Variants in AXIN1 observed in about 807,000 individuals in gnomAD.
AXIN1 encodes the protein axin 1, also known as axin-1.
Under a neutral mutation model 76.4 loss-of-function variants are expected in AXIN1, and 30 were observed. That is an observed-to-expected ratio of 0.39 (90% confidence interval 0.29 to 0.53). The LOEUF (loss-of-function observed/expected upper bound fraction) is 0.53, where lower values mean the gene tolerates loss of function less well. Among genes scored for constraint, AXIN1 ranks in the 20% least tolerant of loss-of-function variants. The pLI, the probability that AXIN1 is intolerant of heterozygous loss-of-function variation, is 0.66. For missense variants in AXIN1, 1,140 were observed against 1,198.8 expected, an observed-to-expected ratio of 0.95 and a Z score of 0.72; for synonymous variants, 545 against 501.4, an observed-to-expected ratio of 1.09 and a Z score of -1.16.
chr16:302,927 C>G lies in AXIN1; in HGVS notation c.1254+1377G>C, dbSNP rs566581483. On this transcript the variant is annotated intron_variant, in intron 5 of 10. Coordinates refer to ENST00000262320, the MANE Select transcript of AXIN1 (RefSeq NM_003502.4). ...CCCAGGCTGGAGTGCAGTGGCACAG[C>G]CTCGGCTCACTGTAGACCTGACCTC... Among the ~76,000 whole-genome samples, 239 of 152,074 alleles carry G rather than the reference C, an allele frequency of 1.6e-3. 1 individual carries two copies. Among genetic ancestry groups the G allele is most frequent in the African/African-American group, 5.4e-3 (223 of 41,472 alleles).
At chr16:319,849 G>A (rs984944031) in intron 2 of AXIN1, among the ~76,000 whole-genome samples, 1 of 152,192 alleles carries the variant, frequency 6.6e-6, no homozygotes, top group Non-Finnish European at 1.5e-5. Context: ...GTCTGGTCCG[G>A]TTACATTTAG....
rs142775237 is a variant in AXIN1 at position 311,861 on chromosome 16, G to T, written c.1020-1792C>A. Among the ~76,000 whole-genome samples the T allele has an allele frequency of 3.6e-3, 545 of 152,310 alleles. 20 individuals are homozygous for T. In the South Asian group the frequency reaches 0.076, roughly 21 times the overall value. ...CCGCACCCAGGGGCCTCTCAGAGCTGCCAGGAGACACAGGACGACTGAAGA... is the reference window on the plus strand; with the variant it reads ...CCGCACCCAGGGGCCTCTCAGAGCTTCCAGGAGACACAGGACGACTGAAGA... On this transcript the variant is annotated intron_variant, in intron 3 of 10. Coordinates refer to ENST00000262320, the MANE Select transcript of AXIN1 (RefSeq NM_003502.4).
rs1200388281 is a variant in AXIN1 at position 298,192 on chromosome 16, C to T, written c.1314G>A (p.Leu438=). 2 of 1,541,750 alleles carry T rather than the reference C, an allele frequency of 1.3e-6. No individual in the cohort carries two copies. The highest frequency in any genetic ancestry group is 1.7e-6 in the Non-Finnish European group (2 of 1,147,272). Residue 438 remains leucine, a synonymous_variant, in exon 6 of 11, where the codon CTG becomes CTA. Transcript: ENST00000262320. Reference sequence around the variant, plus strand: ...AGTGGTGCCAAGCGGGGGCGGGAGGCAGCTTGTGACACGGCCCTGGGGGCC... The same window carrying T: ...AGTGGTGCCAAGCGGGGGCGGGAGGTAGCTTGTGACACGGCCCTGGGGGCC... The part of the protein sequence containing the change: ...SSGPPGPCHK[L]PPAPAWHHFP...
intron 1 of AXIN1, among the ~76,000 whole-genome samples, chr16:350,560 T>C (rs1302477070): frequency 3.9e-5 from 6 of 152,322 alleles, no homozygotes; most frequent in South Asian, 2.1e-4. Context: ...AACGTAACTT[T>C]TGACATTTTG....
rs1243845581 is a variant in AXIN1, at chr16:303,791, C to A, written c.1254+513G>T. ...TGAAAGGGACCTGTTTTTAGCTGAA[C>A]TAAGCAAAGAGTCCTACAACACAAG... On this transcript the variant is annotated intron_variant, in intron 5 of 10. Coordinates refer to ENST00000262320, the MANE Select transcript of AXIN1 (RefSeq NM_003502.4). Among the ~76,000 whole-genome samples, 3 of 152,220 alleles carry A rather than the reference C, an allele frequency of 2.0e-5. No homozygotes were observed. In the East Asian group the frequency reaches 5.8e-4, roughly 29 times the overall value.
At chr16:291,690 G>A (rs12926629) in intron 8 of AXIN1, 45,740 of 335,822 alleles carry the variant, frequency 0.14, 3,683 homozygotes, top group South Asian at 0.19. Flanking sequence ...GCTCTGGGGC[G>A]TGCGTGGCAA....
chr16:334,662 T>A (rs994407288), intron 2 of AXIN1, among the ~76,000 whole-genome samples: 4 of 147,486 alleles, frequency 2.7e-5, no homozygotes, highest in Non-Finnish European at 4.5e-5. Context: ...CCCAGTACCA[T>A]GGCATGCTAA....
chr16:299,174 A>T (rs1306240244), intron 5 of AXIN1: 3 of 985,292 alleles, frequency 3.0e-6, no homozygotes, highest in Non-Finnish European at 2.4e-6. Context: ...GTTTCACTTG[A>T]TTCTCCAAGT....
At chr16:326,880 C>T (rs970320292) in intron 2 of AXIN1, among the ~76,000 whole-genome samples, 1 of 152,198 alleles carries the variant, frequency 6.6e-6, no homozygotes, top group South Asian at 2.1e-4. Context: ...GTGGCTCACA[C>T]CTGTAATCCC....
At chr16:336,734 T>C (rs1170991416) in intron 2 of AXIN1, among the ~76,000 whole-genome samples, 3 of 151,338 alleles carry the variant, frequency 2.0e-5, no homozygotes, top group African/African-American at 7.3e-5. Context: ...GGAGAATCAT[T>C]TGAACCCAGG....
At chr16:291,343 G>T in intron 8 of AXIN1, 46 bp from the exon 9 acceptor site, 1 of 1,490,118 alleles carries the variant, frequency 6.7e-7, no homozygotes. Context: ...GCGGCCACCA[G>T]CCCTGGGGAG....
At chr16:332,238 C>G (rs1016475775) in intron 2 of AXIN1, among the ~76,000 whole-genome samples, 5 of 152,218 alleles carry the variant, frequency 3.3e-5, no homozygotes, top group Non-Finnish European at 5.9e-5. Flanking sequence ...GCAGCAACAT[C>G]ACAATCACAA....
intron 3 of AXIN1, among the ~76,000 whole-genome samples, chr16:314,275 C>G (rs1014096841): frequency 6.6e-5 from 10 of 152,234 alleles, no homozygotes; most frequent in African/African-American, 2.2e-4. Flanking sequence ...TACAGCCTGC[C>G]TGCATGTCCA....
At chr16:324,617 C>T (rs3848365) in intron 2 of AXIN1, among the ~76,000 whole-genome samples, 65,320 of 152,156 alleles carry the variant, frequency 0.43, 15,034 homozygotes, top group African/African-American at 0.59. Flanking sequence ...GACCACACGC[C>T]GCACGTCAGC....
chr16:317,919 G>C (rs1424964728), intron 2 of AXIN1, among the ~76,000 whole-genome samples: 1 of 152,210 alleles, frequency 6.6e-6, no homozygotes, highest in African/African-American at 2.4e-5. Context: ...CATCTATTTG[G>C]CCAAATAAAA....
chr16:302,563 T>C (rs577535308), intron 5 of AXIN1, among the ~76,000 whole-genome samples: 1 of 152,134 alleles, frequency 6.6e-6, no homozygotes, highest in African/African-American at 2.4e-5. Context: ...CTCAATGGAG[T>C]GCCCGGCGCA....
In AXIN1 at chr16:310,089, A is replaced by T. The variant is rs2141574509; in HGVS notation, c.1020-20T>A. ...CCATCCCTGTCCAGGAGAAAGAGGC[A>T]GCCGTTAACTCAGAGAGGAGCAGGA... On this transcript the variant is annotated intron_variant, in intron 3 of 10. Coordinates refer to ENST00000262320, the MANE Select transcript of AXIN1 (RefSeq NM_003502.4). 3 of 1,595,650 alleles carry T rather than the reference A, an allele frequency of 1.9e-6. No individual in the cohort carries two copies. Among genetic ancestry groups the T allele is most frequent in the Non-Finnish European group, 2.6e-6 (3 of 1,171,282 alleles).
intron 2 of AXIN1, among the ~76,000 whole-genome samples, chr16:317,090 T>C (rs1038551744): frequency 6.6e-6 from 1 of 152,132 alleles, no homozygotes; most frequent in Non-Finnish European, 1.5e-5. Flanking sequence ...CCAGCGCAGC[T>C]TCCAGCCATC....
chr16:312,401 C>T (rs2053203411), intron 3 of AXIN1, among the ~76,000 whole-genome samples: 1 of 152,218 alleles, frequency 6.6e-6, no homozygotes, highest in African/African-American at 2.4e-5. Context: ...TAGGTCCTCC[C>T]TTTAGGAAAC....
Sources: gnomAD v4.1 joint callset for allele counts (sites outside exome capture counted in the v4.1 genomes callset) on GRCh38, gnomAD v4.1.1 for gene constraint, MANE v1.5 for transcripts, NCBI Gene and HGNC (gene_info 2026-07-23, HGNC 2026-07-21) for gene names.